The following ARRDC4 variants were observed in gnomAD, a reference collection of about 807,000 sequenced individuals.
ARRDC4 encodes the protein arrestin domain-containing protein 4.
ARRDC4 carries 40 observed loss-of-function variants against 44.6 expected under a neutral mutation model. The ratio of observed to expected loss-of-function variants is 0.90; its 90% CI spans 0.70 to 1.17. The LOEUF (loss-of-function observed/expected upper bound fraction) is 1.17, where lower values mean the gene tolerates loss of function less well. Ranked by LOEUF, ARRDC4 falls within the 50% of genes most tolerant of loss-of-function variation. ARRDC4 has a pLI of 0.00. For synonymous variants in ARRDC4, 211 were observed against 221.2 expected, an observed-to-expected ratio of 0.95 and a Z score of 0.41; for missense variants, 550 against 559.1, an observed-to-expected ratio of 0.98 and a Z score of 0.16.
intron 1 of ARRDC4, 129 bp downstream of exon 1, chr15:97,961,297 G>A (rs1899313350): frequency 1.1e-6 from 1 of 880,862 alleles, no homozygotes; most frequent in Non-Finnish European, 1.5e-6. Context: ...GGTGGGGTCC[G>A]GCCTACCCTC....
intron 1 of ARRDC4, among the ~76,000 whole-genome samples, chr15:97,963,134 T>G (rs1219699192): frequency 6.6e-6 from 1 of 152,218 alleles, no homozygotes; most frequent in Admixed American, 6.5e-5. Flanking sequence ...GCCTCTGTAA[T>G]GGTCTTCTGC....
In ARRDC4 at chr15:97,965,617, T is replaced by C. The variant is rs1341000959; in HGVS notation, c.325T>C (p.Leu109=). The C allele has an allele frequency of 1.2e-6, 2 of 1,612,482 alleles. No homozygotes were observed. Among genetic ancestry groups the C allele is most frequent in the Non-Finnish European group, 1.7e-6 (2 of 1,178,658 alleles). ...EPPAGEGIIL[L]QPGKHEFPFR... is the part of the protein sequence containing the mutation. ...TCTTATAGGTGAAGGCATCATTTTA[T>C]TACAGCCTGGAAAACATGAATTTCC... The change falls in exon 2 of 8, where the codon TTA becomes CTA. Residue 109 remains leucine (L), a synonymous_variant. Transcript: ENST00000268042. The surrounding 1 kb of genome is among the most constrained non-coding windows in gnomAD (Gnocchi z 5.1).
rs551375554 is a variant in ARRDC4 at position 97,960,707 on chromosome 15, G to A, written c.-155G>A. On this transcript the variant is annotated 5_prime_UTR_variant, in exon 1 of 8. Transcript: ENST00000268042. ...CCCAACTGGGTTTGTTAAAGCGACAGGCCTCTCGGCGAGCCGGTGCCCCAT... is the reference window on the plus strand; with the variant it reads ...CCCAACTGGGTTTGTTAAAGCGACAAGCCTCTCGGCGAGCCGGTGCCCCAT... 71 of 602,762 alleles carry A rather than the reference G, an allele frequency of 1.2e-4. No individual in the cohort carries two copies. The South Asian group carries it at 5.1e-3, about 44-fold the overall frequency. The allele number at this position is 602,762 out of a possible 1,614,324, so 37.3% of individuals were successfully genotyped here. A position where few individuals can be genotyped will look rare whatever the true frequency, so the allele number is the denominator to read the frequency against.
In ARRDC4 at chr15:97,970,696, G is replaced by T. The variant is rs1899495729; in HGVS notation, c.1153G>T (p.Ala385Ser). Residue 385 changes from alanine (A) to serine (S), a missense_variant, in exon 7 of 8, where the codon GCC (alanine) becomes TCC (serine). Coordinates refer to ENST00000268042, the MANE Select transcript of ARRDC4 (RefSeq NM_183376.3). This position sits in a 1 kb window ranked among gnomAD's most constrained non-coding sequence, Gnocchi z 4.2. ...GGGAGAAGTGTGCTGTCCTGTGTTT[G>T]CCTGTATACAAGAATTCCGGTTTCA... ...CEGEVCCPVF[A>S]CIQEFRFQPP... The T allele has an allele frequency of 6.2e-7, 1 of 1,613,420 alleles. No homozygotes were observed. Among genetic ancestry groups the T allele is most frequent in the African/African-American group, 1.3e-5 (1 of 74,866 alleles).
In ARRDC4 at chr15:97,971,364, A is replaced by G; in HGVS notation, c.*177A>G. 1 of 626,496 alleles carries G rather than the reference A, an allele frequency of 1.6e-6. No individual in the cohort carries two copies. The highest frequency in any genetic ancestry group is 2.8e-6 in the Non-Finnish European group (1 of 360,280). 38.8% of individuals were successfully genotyped at this position (626,496 alleles called of 1,614,324 possible). ...TCTGGTGGGCCGGCAGGATTGCCGC[A>G]CAAGTTTATATGATGGTCGTATATA... is the stretch of plus-strand genomic sequence containing the variant. On this transcript the variant is annotated 3_prime_UTR_variant, in exon 8 of 8. Coordinates refer to ENST00000268042, the MANE Select transcript of ARRDC4 (RefSeq NM_183376.3).
rs1899409177 is a variant in ARRDC4 at position 97,965,820 on chromosome 15, A to T, written c.375-75A>T. ...TCTTTTTTTATTTCCAACCTAAAAC[A>T]TTTTAAACCATGCTTTTTTTGGCTT... On this transcript the variant is annotated intron_variant, in intron 2 of 7. Coordinates refer to ENST00000268042, the MANE Select transcript of ARRDC4 (RefSeq NM_183376.3). This position sits in a 1 kb window ranked among gnomAD's most constrained non-coding sequence, Gnocchi z 5.1. The T allele has an allele frequency of 9.6e-6, 15 of 1,563,058 alleles. 1 individual carries two copies. The South Asian group carries it at 1.6e-4, about 17-fold the overall frequency.
At chr15:97,961,833 T>C (rs189097073) in intron 1 of ARRDC4, among the ~76,000 whole-genome samples, 8 of 152,118 alleles carry the variant, frequency 5.3e-5, no homozygotes, top group African/African-American at 1.7e-4. Context: ...TCTCCCCCAC[T>C]TCTCTCCACT....
At position 97,970,596 on chromosome 15, in the gene ARRDC4, AAATTATGCAGATGT is replaced by A; in HGVS notation, c.1054_1067del (p.Asn352GlyfsTer8). 6.2e-7 allele frequency: 1 copy of A among 1,608,748 alleles called. No homozygotes were observed. Among genetic ancestry groups the A allele is most frequent in the Non-Finnish European group, 8.5e-7 (1 of 1,177,592 alleles). On this transcript the variant is annotated frameshift_variant, in exon 7 of 8. Transcript: ENST00000268042. LOFTEE classifies it high-confidence loss of function. The surrounding 1 kb of genome is among the most constrained non-coding windows in gnomAD (Gnocchi z 4.2). ...ACTTCATTTCTATTTCAGCACCACC[AAATTATGCAGATGT>A]GGTATCAGAGGAAGAATTCTCTAGA...
chr15:97,963,476 G>C (rs965518861), intron 1 of ARRDC4, among the ~76,000 whole-genome samples: 11 of 152,302 alleles, frequency 7.2e-5, no homozygotes, highest in African/African-American at 2.6e-4. Context: ...GTTGCTTAAT[G>C]AAAGGGGAAC....
Position 97,967,001 on chromosome 15 carries a change from C to T in ARRDC4, c.522+959C>T, listed in dbSNP as rs1899428360. On this transcript the variant is annotated intron_variant, in intron 3 of 7. Transcript: ENST00000268042. The surrounding 1 kb of genome is among the most constrained non-coding windows in gnomAD (Gnocchi z 5.0). ...AGAAAGAAATAGAATTTAATGTTCA[C>T]CTTTAGATTATGAAAAGATAGCAGA... is the stretch of plus-strand genomic sequence containing the variant. Among the ~76,000 whole-genome samples, 1 of 152,168 alleles carries T rather than the reference C, an allele frequency of 6.6e-6. No individual in the cohort carries two copies. Among genetic ancestry groups the T allele is most frequent in the Non-Finnish European group, 1.5e-5 (1 of 68,024 alleles).
Position 97,971,362 on chromosome 15 carries a change from G to C in ARRDC4, c.*175G>C. Reference sequence around the variant, plus strand: ...GTTCTGGTGGGCCGGCAGGATTGCCGCACAAGTTTATATGATGGTCGTATA... The same window carrying C: ...GTTCTGGTGGGCCGGCAGGATTGCCCCACAAGTTTATATGATGGTCGTATA... On this transcript the variant is annotated 3_prime_UTR_variant, in exon 8 of 8. Transcript: ENST00000268042. 1.6e-6 allele frequency: 1 copy of C among 636,962 alleles called. No homozygotes were observed. The highest frequency in any genetic ancestry group is 2.7e-6 in the Non-Finnish European group (1 of 369,404). 39.5% of individuals were successfully genotyped at this position (636,962 alleles called of 1,614,324 possible).
intron 1 of ARRDC4, among the ~76,000 whole-genome samples, chr15:97,961,384 G>C (rs974062150): frequency 2.6e-5 from 4 of 152,212 alleles, no homozygotes; most frequent in African/African-American, 7.2e-5. Flanking sequence ...GGGCCTGACC[G>C]GGACCAGTGG....
intron 1 of ARRDC4, among the ~76,000 whole-genome samples, chr15:97,964,378 T>C (rs1240596725): frequency 1.3e-5 from 2 of 152,230 alleles, no homozygotes; most frequent in Admixed American, 6.5e-5. Context: ...TGTTCCGATT[T>C]CTTCATCTTA....
intron 1 of ARRDC4, among the ~76,000 whole-genome samples, chr15:97,963,072 C>G (rs564405121): frequency 1.4e-4 from 22 of 152,336 alleles, no homozygotes; most frequent in African/African-American, 5.3e-4. Context: ...TGGTCACCCA[C>G]CAGCAGTGTG....
chr15:97,970,588 G>C lies in ARRDC4; in HGVS notation c.1046-1G>C. The C allele has an allele frequency of 6.2e-7, 1 of 1,602,226 alleles. No homozygotes were observed. The highest frequency in any genetic ancestry group is 8.5e-7 in the Non-Finnish European group (1 of 1,173,452). On this transcript the variant is annotated splice_acceptor_variant, in intron 6 of 7. Transcript: ENST00000268042. LOFTEE classifies it high-confidence loss of function. This position sits in a 1 kb window ranked among gnomAD's most constrained non-coding sequence, Gnocchi z 4.2. Reference sequence around the variant, plus strand: ...TAACTCCAACTTCATTTCTATTTCAGCACCACCAAATTATGCAGATGTGGT... The same window carrying C: ...TAACTCCAACTTCATTTCTATTTCACCACCACCAAATTATGCAGATGTGGT...
rs759873347 is a variant in ARRDC4, at chr15:97,970,877, G to A, written c.1200+134G>A. 2.6e-6 allele frequency: 3 copies of A among 1,133,362 alleles called. No homozygotes were observed. Among genetic ancestry groups the A allele is most frequent in the Non-Finnish European group, 3.7e-6 (3 of 808,894 alleles). 70.2% of individuals were successfully genotyped at this position (1,133,362 alleles called of 1,614,324 possible). On this transcript the variant is annotated intron_variant, in intron 7 of 7. Coordinates refer to ENST00000268042, the MANE Select transcript of ARRDC4 (RefSeq NM_183376.3). The surrounding 1 kb of genome is among the most constrained non-coding windows in gnomAD (Gnocchi z 4.2). ...TACATTTAAATTTGTTTATACAGTG[G>A]TAATAGATTATCGCTGATTCATTTG...
At chr15:97,964,909 C>A (rs1359562495) in intron 1 of ARRDC4, among the ~76,000 whole-genome samples, 1 of 152,132 alleles carries the variant, frequency 6.6e-6, no homozygotes, top group African/African-American at 2.4e-5. Flanking sequence ...ATAAATCTGT[C>A]TTTTGCTAAA....
rs1899543065 is a variant in ARRDC4, at chr15:97,973,124, C to T, written c.*1937C>T. 6.6e-6 allele frequency: 1 copy of T among 152,202 alleles called. No homozygotes were observed. Among genetic ancestry groups the T allele is most frequent in the South Asian group, 2.1e-4 (1 of 4,834 alleles). 9.4% of individuals were successfully genotyped at this position (152,202 alleles called of 1,614,324 possible). A position where few individuals can be genotyped will look rare whatever the true frequency, so the allele number is the denominator to read the frequency against. ...AAGATCATCTTCAACTGTTTATTGACTTCTGAGTTATATAGTTCATGCCCT... is the reference window on the plus strand; with the variant it reads ...AAGATCATCTTCAACTGTTTATTGATTTCTGAGTTATATAGTTCATGCCCT... On this transcript the variant is annotated 3_prime_UTR_variant, in exon 8 of 8. Transcript: ENST00000268042.
rs186519474 is a variant in ARRDC4, at chr15:97,967,298, A to T, written c.523-716A>T. Among the ~76,000 whole-genome samples the T allele has an allele frequency of 1.3e-5, 2 of 152,338 alleles. No homozygotes were observed. Among genetic ancestry groups the T allele is most frequent in the East Asian group, 3.9e-4 (2 of 5,192 alleles). On this transcript the variant is annotated intron_variant, in intron 3 of 7. Transcript: ENST00000268042. This position sits in a 1 kb window ranked among gnomAD's most constrained non-coding sequence, Gnocchi z 5.0. The stretch of plus-strand genomic sequence containing the variant: ...CCTTACGATTCTTTATATAAATAAA[A>T]AAAAAATATTGCAAGTAACTGGGTT...
Sources: gnomAD v4.1 joint callset for allele counts (sites outside exome capture counted in the v4.1 genomes callset) on GRCh38, gnomAD v4.1.1 for gene constraint, Gnocchi (gnomAD v3.1) non-coding constraint, MANE v1.5 for transcripts, NCBI Gene and HGNC (gene_info 2026-07-23, HGNC 2026-07-21) for gene names.